HPSE2: variants seen among roughly 807,000 people sequenced by gnomAD.
HPSE2 encodes inactive heparanase-2.
HPSE2 carries 38 observed loss-of-function variants against 60.5 expected under a neutral mutation model. That is an observed-to-expected ratio of 0.63 (90% CI 0.48 to 0.82). The LOEUF (loss-of-function observed/expected upper bound fraction) is 0.82, where lower values mean the gene tolerates loss of function less well. Ranked by LOEUF, HPSE2 falls within the 40% of genes least tolerant of loss-of-function variation. HPSE2 has a pLI of 0.00. For synonymous variants in HPSE2, 295 were observed against 293.2 expected (o/e 1.01, Z -0.06); for missense variants, 713 against 740.4 (o/e 0.96, Z 0.43).
chr10:98,746,416 C>T (rs1949631133), intron 3 of HPSE2, among the ~76,000 whole-genome samples: 1 of 151,842 alleles, frequency 6.6e-6, no homozygotes, highest in African/African-American at 2.4e-5. Context: ...ACATGCTTTA[C>T]TATTCAACAT....
intron 9 of HPSE2, among the ~76,000 whole-genome samples, chr10:98,559,860 T>C (rs1944121360): frequency 6.6e-6 from 1 of 152,202 alleles, no homozygotes; most frequent in Non-Finnish European, 1.5e-5. Flanking sequence ...GCTGTATTTT[T>C]TAAAACTGGC....
chr10:99,080,091 G>C (rs1843082951), intron 3 of HPSE2, among the ~76,000 whole-genome samples: 1 of 152,148 alleles, frequency 6.6e-6, no homozygotes, highest in Admixed American at 6.5e-5. Flanking sequence ...CTCTCAATTA[G>C]TTTTTGGATG....
At chr10:98,766,519 T>C (rs1950122166) in intron 3 of HPSE2, among the ~76,000 whole-genome samples, 1 of 152,162 alleles carries the variant, frequency 6.6e-6, no homozygotes, top group Non-Finnish European at 1.5e-5. Flanking sequence ...CTCATAAAAA[T>C]GTAACAAAAA....
chr10:98,528,589 A>G (rs144331563), intron 9 of HPSE2, among the ~76,000 whole-genome samples: 110 of 152,306 alleles, frequency 7.2e-4, no homozygotes, highest in African/African-American at 2.5e-3. Flanking sequence ...AGGAGAACAG[A>G]CACCCAATTA....
intron 3 of HPSE2, among the ~76,000 whole-genome samples, chr10:99,054,496 C>T (rs891132890): frequency 6.6e-6 from 1 of 152,152 alleles, no homozygotes; most frequent in Non-Finnish European, 1.5e-5. Flanking sequence ...AACAGAGACA[C>T]AGTTTGCAAG....
chr10:98,561,776 A>G (rs1298823277), intron 9 of HPSE2, among the ~76,000 whole-genome samples: 1 of 152,226 alleles, frequency 6.6e-6, no homozygotes, highest in Non-Finnish European at 1.5e-5. Flanking sequence ...TGAACCCAGG[A>G]GGCGGAGTTT....
intron 3 of HPSE2, among the ~76,000 whole-genome samples, chr10:98,882,909 A>G (rs773321849): frequency 1.3e-5 from 2 of 152,122 alleles, no homozygotes; most frequent in Non-Finnish European, 2.9e-5. Context: ...AACTATGCAA[A>G]TATCACAGTA....
intron 3 of HPSE2, among the ~76,000 whole-genome samples, chr10:99,061,265 C>A (rs1451931585): frequency 1.3e-5 from 2 of 152,108 alleles, no homozygotes; most frequent in Non-Finnish European, 2.9e-5. Flanking sequence ...TCTAGTGTCC[C>A]ATGTCCCAGA....
At chr10:99,310,293 G>C in the HPSE2 span, among the ~76,000 whole-genome samples, 1 of 151,980 alleles carries the variant, frequency 6.6e-6, no homozygotes, top group African/African-American at 2.4e-5. Context: ...CATATCTTTG[G>C]GAGCCATTAT....
chr10:98,559,039 T>C (rs1485935784), intron 9 of HPSE2, among the ~76,000 whole-genome samples: 1 of 152,122 alleles, frequency 6.6e-6, no homozygotes. Flanking sequence ...TTGGTTCTTG[T>C]TTTTCTTTCG....
chr10:98,620,079 G>A (rs74367048), intron 8 of HPSE2, among the ~76,000 whole-genome samples: 14 of 152,266 alleles, frequency 9.2e-5, no homozygotes, highest in African/African-American at 1.7e-4. Context: ...CAGTAGCATC[G>A]ATTTCATTGG....
chr10:99,300,221 A>C, the HPSE2 span, among the ~76,000 whole-genome samples: 7 of 152,094 alleles, frequency 4.6e-5, no homozygotes, highest in Non-Finnish European at 1.0e-4. Flanking sequence ...CGCCACTGAA[A>C]GAAAGACTGC....
At chr10:98,635,662 G>T (rs1347706364) in intron 7 of HPSE2, among the ~76,000 whole-genome samples, 2 of 151,804 alleles carry the variant, frequency 1.3e-5, no homozygotes, top group East Asian at 3.9e-4. Flanking sequence ...TGGGCTTGTA[G>T]TTTCAGCTAC....
chr10:98,621,594 A>G (rs1946075584), intron 7 of HPSE2, among the ~76,000 whole-genome samples: 1 of 152,208 alleles, frequency 6.6e-6, no homozygotes, highest in African/African-American at 2.4e-5. Flanking sequence ...ACAAGGATGC[A>G]TTTTCAAATT....
chr10:98,606,057 T>C (rs1008950648), intron 9 of HPSE2, among the ~76,000 whole-genome samples: 7 of 152,222 alleles, frequency 4.6e-5, no homozygotes, highest in Non-Finnish European at 7.3e-5. Context: ...GTTAGTTTAC[T>C]TGTTTATTTT....
intron 3 of HPSE2, among the ~76,000 whole-genome samples, chr10:98,966,956 G>T (rs1170162229): frequency 6.6e-6 from 1 of 152,150 alleles, no homozygotes; most frequent in South Asian, 2.1e-4. Flanking sequence ...TTCAGATCAT[G>T]TGGGGCTCTT....
intron 3 of HPSE2, among the ~76,000 whole-genome samples, chr10:98,872,700 T>G (rs565248345): frequency 6.6e-6 from 1 of 152,132 alleles, no homozygotes; most frequent in Non-Finnish European, 1.5e-5. Context: ...CACCTCTGTC[T>G]CTTGCCATAG....
intron 3 of HPSE2, among the ~76,000 whole-genome samples, chr10:99,031,230 C>T (rs575255821): frequency 6.6e-6 from 1 of 152,138 alleles, no homozygotes; most frequent in African/African-American, 2.4e-5. Context: ...GCATGCCATA[C>T]CAAAACATCT....
intron 9 of HPSE2, among the ~76,000 whole-genome samples, chr10:98,548,298 C>T (rs953352764): frequency 1.3e-5 from 2 of 152,084 alleles, no homozygotes; most frequent in Non-Finnish European, 1.5e-5. Context: ...AAATTCCCTT[C>T]CCCCTCTATC....
Sources: gnomAD v4.1 joint callset for allele counts (sites outside exome capture counted in the v4.1 genomes callset) on GRCh38, gnomAD v4.1.1 for gene constraint, MANE v1.5 for transcripts, NCBI Gene and HGNC (gene_info 2026-07-23, HGNC 2026-07-21) for gene names.